Variants in ATXN1 observed in about 807,000 individuals in gnomAD.
The protein encoded by ATXN1 is ataxin 1, also known as ataxin-1.
ATXN1 carries 8 observed loss-of-function variants against 56.4 expected under a neutral mutation model. The ratio of observed to expected loss-of-function variants is 0.14; its 90% confidence interval spans 0.08 to 0.26. The LOEUF is 0.26. Ranked by LOEUF, ATXN1 falls within the 10% of genes least tolerant of loss-of-function variation. ATXN1 has a pLI of 1.00. For missense variants in ATXN1, 987 were observed against 1,106.5 expected, an observed-to-expected ratio of 0.89 and a Z score of 1.53; for synonymous variants, 514 against 494.6, an observed-to-expected ratio of 1.04 and a Z score of -0.52.
intron 2 of ATXN1, among the ~76,000 whole-genome samples, chr6:16,690,212 A>T (rs922400719): frequency 6.6e-6 from 1 of 152,104 alleles, no homozygotes. Flanking sequence ...AGGCTCATCC[A>T]GTTGAGGTTT....
chr6:16,385,537 GGC>G (rs1159870698), intron 6 of ATXN1, among the ~76,000 whole-genome samples: 8 of 152,170 alleles, frequency 5.3e-5, no homozygotes, highest in African/African-American at 1.9e-4. Context: ...CTTCTGGCTT[GGC>G]TAGTGCCATT....
At chr6:16,606,582 C>T (rs62389034) in intron 3 of ATXN1, among the ~76,000 whole-genome samples, 1 of 150,950 alleles carries the variant, frequency 6.6e-6, no homozygotes, top group Non-Finnish European at 1.5e-5. Context: ...AGGCTGGAGT[C>T]CGGTGGTGCG....
chr6:16,735,919 C>T (rs1282010846), intron 2 of ATXN1, among the ~76,000 whole-genome samples: 1 of 152,154 alleles, frequency 6.6e-6, no homozygotes, highest in East Asian at 1.9e-4. Context: ...ACAACTTATT[C>T]CGCATTATTT....
intron 4 of ATXN1, among the ~76,000 whole-genome samples, chr6:16,584,409 T>C (rs1762587191): frequency 6.6e-6 from 1 of 151,832 alleles, no homozygotes; most frequent in Non-Finnish European, 1.5e-5. Flanking sequence ...TTTTAAGAAA[T>C]GAAAAATTAT....
chr6:16,742,077 A>T (rs1418251852), intron 2 of ATXN1, among the ~76,000 whole-genome samples: 2 of 152,242 alleles, frequency 1.3e-5, no homozygotes, highest in African/African-American at 4.8e-5. Flanking sequence ...AGTTGTATGG[A>T]AAGAGATTTT....
intron 7 of ATXN1, among the ~76,000 whole-genome samples, chr6:16,310,517 C>G (rs774336929): frequency 6.6e-6 from 1 of 152,252 alleles, no homozygotes; most frequent in South Asian, 2.1e-4. Context: ...GAGTCTTGCT[C>G]TGTCGCCCAG....
chr6:16,612,148 C>A (rs149368017), intron 3 of ATXN1, among the ~76,000 whole-genome samples: 1 of 151,714 alleles, frequency 6.6e-6, no homozygotes, highest in Non-Finnish European at 1.5e-5. Context: ...TGTGAGCCAC[C>A]GCGCCCGGCC....
At chr6:16,329,549 A>G (rs1042878247) in intron 6 of ATXN1, among the ~76,000 whole-genome samples, 2 of 152,242 alleles carry the variant, frequency 1.3e-5, no homozygotes, top group Non-Finnish European at 2.9e-5. Context: ...TTATGGTTAA[A>G]AAACCCAAAT....
chr6:16,314,162 T>C (rs988914740), intron 7 of ATXN1, among the ~76,000 whole-genome samples: 1 of 152,102 alleles, frequency 6.6e-6, no homozygotes, highest in Middle Eastern at 3.2e-3. Flanking sequence ...ATGTACTTTT[T>C]CCCCCTTGGG....
chr6:16,741,752 C>T (rs1760346760), intron 2 of ATXN1, among the ~76,000 whole-genome samples: 1 of 152,204 alleles, frequency 6.6e-6, no homozygotes, highest in Admixed American at 6.5e-5. Flanking sequence ...AAAGACGTTT[C>T]TTCATTTTAA....
chr6:16,456,897 C>A (rs1759887512), intron 6 of ATXN1, among the ~76,000 whole-genome samples: 1 of 152,176 alleles, frequency 6.6e-6, no homozygotes, highest in Non-Finnish European at 1.5e-5. Context: ...ATTTTAGGAT[C>A]CCTCCTCAGA....
chr6:16,726,074 G>C (rs2113476841), intron 2 of ATXN1, among the ~76,000 whole-genome samples: 1 of 152,280 alleles, frequency 6.6e-6, no homozygotes, highest in South Asian at 2.1e-4. Flanking sequence ...CTTATACCCT[G>C]TGAACTGTAA....
chr6:16,537,307 G>A (rs1232658442), intron 4 of ATXN1, among the ~76,000 whole-genome samples: 5 of 152,148 alleles, frequency 3.3e-5, no homozygotes, highest in Non-Finnish European at 7.3e-5. Flanking sequence ...AACCGCCACA[G>A]GATAAAAGTG....
rs560849930 is a variant in ATXN1, at chr6:16,645,646, T to A, written c.-489+12130A>T. On this transcript the variant is annotated intron_variant, in intron 3 of 7. Transcript: ENST00000436367. ...ACTTTCTTCAGTCCCAGTGACCTCA[T>A]CCATTATAATATTAATAACATATAA... 3.9e-5 allele frequency among the ~76,000 whole-genome samples: 6 copies of A among 152,316 alleles called. No homozygotes were observed. In the South Asian group the frequency reaches 1.2e-3, roughly 32 times the overall value.
chr6:16,582,758 C>G (rs1017065017), intron 4 of ATXN1, among the ~76,000 whole-genome samples: 1 of 152,226 alleles, frequency 6.6e-6, no homozygotes, highest in African/African-American at 2.4e-5. Flanking sequence ...ACAACCAACA[C>G]GTCTGCATTT....
chr6:16,344,643 AGGCTG>A (rs1761338784), intron 6 of ATXN1, among the ~76,000 whole-genome samples: 1 of 152,252 alleles, frequency 6.6e-6, no homozygotes, highest in Non-Finnish European at 1.5e-5. Context: ...CTTTGGCCAC[AGGCTG>A]AAGGCTGCAC....
chr6:16,720,903 T>C (rs1297133818), intron 2 of ATXN1, among the ~76,000 whole-genome samples: 2 of 152,226 alleles, frequency 1.3e-5, no homozygotes, highest in African/African-American at 2.4e-5. Flanking sequence ...TCAGGCCAGA[T>C]ACTGTGCTAG....
At chr6:16,633,588 G>A (rs111735010) in intron 3 of ATXN1, among the ~76,000 whole-genome samples, 3 of 152,222 alleles carry the variant, frequency 2.0e-5, no homozygotes, top group African/African-American at 4.8e-5. Context: ...AACAGACACC[G>A]CCACCTCCCC....
chr6:16,624,572 G>A (rs1203660189), intron 3 of ATXN1, among the ~76,000 whole-genome samples: 1 of 152,064 alleles, frequency 6.6e-6, no homozygotes, highest in Non-Finnish European at 1.5e-5. Flanking sequence ...AAACAGAAGG[G>A]TTATTCCTTC....
Sources: allele counts gnomAD v4.1 joint callset (sites outside exome capture counted in the v4.1 genomes callset), GRCh38; gene constraint gnomAD v4.1.1; transcripts MANE v1.5; gene names NCBI Gene and HGNC (gene_info 2026-07-23, HGNC 2026-07-21).